Variants in PIK3C2B observed in about 807,000 individuals in gnomAD.
PIK3C2B encodes phosphatidylinositol-4-phosphate 3-kinase catalytic subunit type 2 beta.
A neutral mutation model predicts 184.3 loss-of-function variants in PIK3C2B; 83 were observed. That is an observed-to-expected ratio of 0.45 (90% confidence interval 0.38 to 0.54). PIK3C2B has a LOEUF of 0.54. PIK3C2B is among the 20% of genes least tolerant of loss of function. The probability of loss-of-function intolerance (pLI) is 0.00; values close to 1 mark genes in which losing one functional copy is unlikely to be tolerated. For synonymous variants in PIK3C2B, 779 were observed against 837.6 expected, an observed-to-expected ratio of 0.93 and a Z score of 1.21; for missense variants, 1,736 against 2,113.5, an observed-to-expected ratio of 0.82 and a Z score of 3.50.
chr1:204,464,436 C>CCTCA lies in PIK3C2B; in HGVS notation c.1189+10_1189+13dup. On this transcript the variant is annotated intron_variant, in intron 4 of 32. Transcript: ENST00000684373. Reference sequence around the variant, plus strand: ...CAAGGGATGCTCACATCCTCTCCCCCCTCACTAACTTACAGTTGCAGGTGA... The same window carrying CCTCA: ...CAAGGGATGCTCACATCCTCTCCCCCCTCACTCACTAACTTACAGTTGCAGGTGA... 1 of 1,610,334 alleles carries CCTCA rather than the reference C, an allele frequency of 6.2e-7. No homozygotes were observed. Among genetic ancestry groups the CCTCA allele is most frequent in the Non-Finnish European group, 8.5e-7 (1 of 1,177,456 alleles).
At position 204,444,161 on chromosome 1, in the gene PIK3C2B, G is replaced by A. The variant is rs1397630088; in HGVS notation, c.2774C>T (p.Ala925Val). The A allele has an allele frequency of 6.2e-7, 1 of 1,607,832 alleles. No individual in the cohort carries two copies. The change falls in exon 18 of 33, where the codon GCC becomes GTC. Residue 925 changes from alanine to valine, a missense_variant and splice_region_variant. This residue lies in a region of PIK3C2B where 289 missense variants were observed against 380.4 expected (regional missense o/e 0.76). Coordinates refer to ENST00000684373, the MANE Select transcript of PIK3C2B (RefSeq NM_001377334.1). ...LLDYLPQLVQ[A>V]LKYECYLDSP... is the part of the protein sequence containing the mutation. ...GTCCAGGTAGCATTCATACTTCAGG[G>A]CCTGTTTCGGAGAAAGGGAGAAAGA...
At position 204,433,806 on chromosome 1, in the gene PIK3C2B, T is replaced by C. The variant is rs748361928; in HGVS notation, c.3830A>G (p.Asn1277Ser). Residue 1277 changes from asparagine (N) to serine (S), a missense_variant, in exon 25 of 33, where the codon AAC becomes AGC. By Grantham distance (46) the Asn-to-Ser change is conservative. Around this residue, in one of 8 missense-constraint regions of PIK3C2B, gnomAD observed 119 missense variants for 179.3 expected, o/e 0.66. Coordinates refer to ENST00000684373, the MANE Select transcript of PIK3C2B (RefSeq NM_001377334.1). This position sits in a 1 kb window ranked among gnomAD's most constrained non-coding sequence, Gnocchi z 5.0. ...GGAGCTCCTCACCAGGCCCAGAAGGTTGAGGAAGAGGTGGGTGTGCTTGCG... is the reference window on the plus strand; with the variant it reads ...GGAGCTCCTCACCAGGCCCAGAAGGCTGAGGAAGAGGTGGGTGTGCTTGCG... ...LIRKHTHLFL[N>S]LLGLMLSCGI... The C allele has an allele frequency of 2.4e-5, 38 of 1,613,630 alleles. No individual in the cohort carries two copies. The highest frequency in any genetic ancestry group is 3.1e-5 in the Non-Finnish European group (37 of 1,179,820).
chr1:204,444,722 T>A (rs1048315110), intron 16 of PIK3C2B, among the ~76,000 whole-genome samples: 1 of 152,230 alleles, frequency 6.6e-6, no homozygotes, highest in African/African-American at 2.4e-5. Flanking sequence ...CTCCAGAGAT[T>A]TCTCCCTTGA....
rs774991928 is a variant in PIK3C2B, at chr1:204,425,756, G to A, written c.4588-15C>T. 7 of 1,602,406 alleles carry A rather than the reference G, an allele frequency of 4.4e-6. No homozygotes were observed. The highest frequency in any genetic ancestry group is 3.4e-5 in the Admixed American group (2 of 58,420). On this transcript the variant is annotated splice_polypyrimidine_tract_variant and intron_variant, in intron 31 of 32. Coordinates refer to ENST00000684373, the MANE Select transcript of PIK3C2B (RefSeq NM_001377334.1). ...TGGAGCAGTTGCTACAATAGAATGA[G>A]AACCAAAAAAATGTTAAGATTTTTA...
intron 10 of PIK3C2B, among the ~76,000 whole-genome samples, 165 bp downstream of exon 10, chr1:204,456,872 G>GC (rs1654885026): frequency 1.3e-5 from 1 of 79,356 alleles, no homozygotes; most frequent in African/African-American, 4.4e-5. Flanking sequence ...CCTCATATAG[G>GC]AACACACACA....
chr1:204,442,427 AG>A, intron 20 of PIK3C2B, 98 bp downstream of exon 20: 2 of 756,370 alleles, frequency 2.6e-6, no homozygotes, highest in Non-Finnish European at 4.5e-6. Context: ...ACTGACGCCC[AG>A]ACAACTCAGC....
At chr1:204,451,743 T>G (rs551070686) in intron 12 of PIK3C2B, among the ~76,000 whole-genome samples, 12 of 152,394 alleles carry the variant, frequency 7.9e-5, no homozygotes, top group Non-Finnish European at 1.5e-4. Context: ...GTTACTGCAC[T>G]GGCACTGGCT....
intron 1 of PIK3C2B, among the ~76,000 whole-genome samples, chr1:204,476,668 C>T (rs941630608): frequency 6.6e-6 from 1 of 152,242 alleles, no homozygotes; most frequent in African/African-American, 2.4e-5. Flanking sequence ...AAGGGTAGAT[C>T]AGGGCCTGCG....
chr1:204,425,190 C>G (rs1303497955), intron 32 of PIK3C2B, 150 bp from the exon 33 acceptor site: 1 of 634,822 alleles, frequency 1.6e-6, no homozygotes, highest in African/African-American at 1.8e-5. Context: ...ATACAGAAGG[C>G]ACACAAGGTA....
chr1:204,468,993 A>C lies in PIK3C2B; in HGVS notation c.810T>G (p.Ser270=). Residue 270 remains serine (S), a synonymous_variant, in exon 2 of 33, where the codon TCT becomes TCG. Transcript: ENST00000684373. ...TCTTGCTCCTGGCCACGGGTTTTCC[A>C]GAGGTGTCTTTGCTGAAGTCCAGCG... ...RGPLDFSKDT[S]GKPVARSKTM... is the part of the protein sequence containing the mutation. The C allele has an allele frequency of 6.2e-7, 1 of 1,614,222 alleles. No individual in the cohort carries two copies. The highest frequency in any genetic ancestry group is 8.5e-7 in the Non-Finnish European group (1 of 1,180,042).
intron 12 of PIK3C2B, among the ~76,000 whole-genome samples, chr1:204,451,952 C>T (rs1279489039): frequency 1.3e-5 from 2 of 152,190 alleles, no homozygotes; most frequent in Non-Finnish European, 2.9e-5. Context: ...GGTTGAAAGA[C>T]CTGCCCCAGG....
rs1654892280 is a variant in PIK3C2B, at chr1:204,456,889, CA to C, written c.1747+147del. On this transcript the variant is annotated intron_variant, in intron 10 of 32. Transcript: ENST00000684373. ...TCATATAGGAACACACACACACACA[CA>C]CACACACACACACACACCCACACAC... The C allele has an allele frequency of 1.6e-4, 84 of 511,852 alleles. 11 individuals carry two copies. In the East Asian group the frequency reaches 2.8e-3, roughly 17 times the overall value. 31.7% of individuals were successfully genotyped at this position (511,852 alleles called of 1,614,324 possible).
In PIK3C2B at chr1:204,424,933, G is replaced by A. The variant is rs780418310; in HGVS notation, c.4824C>T (p.Asn1608=). The change falls in exon 33 of 33, where the codon AAC becomes AAT. Residue 1608 remains asparagine (N), a synonymous_variant. Transcript: ENST00000684373. ...FWENVLLGEV[N]IRLRELDLAQ... ...CCAGGTCCAGCTCTCGCAGGCGGATGTTCACCTCACCGAGGAGGACGTTCT... is the reference window on the plus strand; with the variant it reads ...CCAGGTCCAGCTCTCGCAGGCGGATATTCACCTCACCGAGGAGGACGTTCT... The A allele has an allele frequency of 2.0e-5, 32 of 1,614,236 alleles. No homozygotes were observed. Among genetic ancestry groups the A allele is most frequent in the Admixed American group, 3.3e-5 (2 of 60,030 alleles).
At chr1:204,488,916 G>C (rs1016233689) in intron 1 of PIK3C2B, among the ~76,000 whole-genome samples, 1 of 152,114 alleles carries the variant, frequency 6.6e-6, no homozygotes, top group African/African-American at 2.4e-5. Flanking sequence ...TTTTTAACAT[G>C]ATCTGATAGA....
chr1:204,449,572 G>T (rs547988148), intron 13 of PIK3C2B, among the ~76,000 whole-genome samples: 2 of 152,254 alleles, frequency 1.3e-5, no homozygotes, highest in South Asian at 2.1e-4. Flanking sequence ...GACCTCTAAG[G>T]TTCTTCCAAT....
chr1:204,460,812 G>C (rs762737017), intron 5 of PIK3C2B, 151 bp from the exon 6 acceptor site: 2 of 632,532 alleles, frequency 3.2e-6, no homozygotes, highest in Non-Finnish European at 5.8e-6. Flanking sequence ...CCTAGAAAAT[G>C]ACACGGTAGA....
In PIK3C2B at chr1:204,428,227, C is replaced by A; in HGVS notation, c.4399-7G>T. On this transcript the variant is annotated splice_region_variant and splice_polypyrimidine_tract_variant and intron_variant, in intron 29 of 32. Coordinates refer to ENST00000684373, the MANE Select transcript of PIK3C2B (RefSeq NM_001377334.1). Reference sequence around the variant, plus strand: ...AGGTGTACACCAAATCACACTGGAACAGAATCAGAAACAGGGCCATTCTTC... The same window carrying A: ...AGGTGTACACCAAATCACACTGGAAAAGAATCAGAAACAGGGCCATTCTTC... The A allele has an allele frequency of 6.3e-6, 10 of 1,592,486 alleles. No homozygotes were observed. Among genetic ancestry groups the A allele is most frequent in the Non-Finnish European group, 8.6e-6 (10 of 1,160,742 alleles).
intron 27 of PIK3C2B, 77 bp from the exon 28 acceptor site, chr1:204,431,870 TG>T: frequency 1.3e-6 from 2 of 1,545,530 alleles, no homozygotes; most frequent in Non-Finnish European, 1.8e-6. Flanking sequence ...GGTCCGGAAG[TG>T]TATGTATGTG....
intron 12 of PIK3C2B, among the ~76,000 whole-genome samples, chr1:204,453,696 G>C (rs1173411854): frequency 6.6e-6 from 1 of 152,118 alleles, no homozygotes; most frequent in African/African-American, 2.4e-5. Context: ...GAGAGGATGA[G>C]AAGCCCTCCA....
Sources: allele counts gnomAD v4.1 joint callset (sites outside exome capture counted in the v4.1 genomes callset), GRCh38; gene constraint gnomAD v4.1.1; regional missense constraint gnomAD v4.1.1; non-coding constraint Gnocchi (gnomAD v3.1); transcripts MANE v1.5; gene names NCBI Gene and HGNC (gene_info 2026-07-23, HGNC 2026-07-21).